PCDHA2: variants seen among roughly 807,000 people sequenced by gnomAD.
PCDHA2 encodes the protein protocadherin alpha-2.
In PCDHA2, 58 loss-of-function variants were observed where a neutral mutation model predicts 66.0. The ratio of observed to expected loss-of-function variants is 0.88; its 90% CI spans 0.71 to 1.09. PCDHA2 has a LOEUF of 1.09. Ranked by LOEUF, PCDHA2 falls within the 50% of genes least tolerant of loss-of-function variation. The pLI, the probability that PCDHA2 is intolerant of heterozygous loss-of-function variation, is 0.00. For missense variants in PCDHA2, 1,267 were observed against 1,242.3 expected (o/e 1.02, Z -0.30); for synonymous variants, 634 against 554.0 (o/e 1.14, Z -2.03).
At chr5:140,809,152 C>A (rs1554125030) in intron 1 of PCDHA2, 1 of 1,613,942 alleles carries the variant, frequency 6.2e-7, no homozygotes, top group East Asian at 2.2e-5. Context: ...AGGACCACGG[C>A]GAGCCCGCGC....
intron 1 of PCDHA2, among the ~76,000 whole-genome samples, chr5:140,899,512 G>C (rs4386771): frequency 0.046 from 7,065 of 152,150 alleles, 285 homozygotes; most frequent in African/African-American, 0.11. Flanking sequence ...TGCATATATT[G>C]CATCCCAGGG....
chr5:140,810,353 G>GT (rs1172814895), intron 1 of PCDHA2: 1 of 152,168 alleles, frequency 6.6e-6, no homozygotes, highest in Non-Finnish European at 1.5e-5. Context: ...TTGCCTAAGA[G>GT]TTGTGTTTGT....
chr5:140,822,854 A>G (rs2150119822), intron 1 of PCDHA2: 1 of 1,614,206 alleles, frequency 6.2e-7, no homozygotes, highest in Non-Finnish European at 8.5e-7. Context: ...CCTGTCAAAG[A>G]GGACGCTCCA....
At chr5:140,936,519 G>A (rs77875081) in intron 1 of PCDHA2, among the ~76,000 whole-genome samples, 2,263 of 152,276 alleles carry the variant, frequency 0.015, 25 homozygotes, top group Non-Finnish European at 0.022. Context: ...TAAATTACCT[G>A]AAATTGCTTT....
intron 1 of PCDHA2, among the ~76,000 whole-genome samples, chr5:140,890,624 T>C (rs1487627842): frequency 6.6e-6 from 1 of 152,202 alleles, no homozygotes; most frequent in Non-Finnish European, 1.5e-5. Context: ...CCTAGAAAAT[T>C]AAGCATGTAT....
Position 140,927,187 on chromosome 5 carries a change from C to G in PCDHA2, c.2389-51762C>G, listed in dbSNP as rs558671063. 141 of 1,614,164 alleles carry G rather than the reference C, an allele frequency of 8.7e-5. 1 individual carries two copies. The South Asian group carries it at 1.5e-3, about 17-fold the overall frequency. The stretch of plus-strand genomic sequence containing the variant: ...AGCTGCCTGCGTCTTGACCTACGAC[C>G]TGGTGCTCGAGGACCCGCTGGAGCT... On this transcript the variant is annotated intron_variant, in intron 1 of 3. Transcript: ENST00000526136.
At chr5:140,922,927 T>C (rs1257564815) in intron 1 of PCDHA2, among the ~76,000 whole-genome samples, 1 of 152,214 alleles carries the variant, frequency 6.6e-6, no homozygotes, top group Non-Finnish European at 1.5e-5. Flanking sequence ...TTCAGACTTT[T>C]ACTTCCAGCA....
At chr5:140,929,721 ATTTAC>A in intron 1 of PCDHA2, 2 of 222,496 alleles carry the variant, frequency 9.0e-6, no homozygotes, top group Non-Finnish European at 9.4e-6. Context: ...AAGGTGAAAC[ATTTAC>A]TTAAACTATT....
chr5:140,926,441 A>G (rs1476576189), intron 1 of PCDHA2: 1 of 154,800 alleles, frequency 6.5e-6, no homozygotes, highest in African/African-American at 2.4e-5. Context: ...AGATCTGGGC[A>G]GCCTCAGGGC....
intron 3 of PCDHA2, among the ~76,000 whole-genome samples, chr5:141,007,324 A>G (rs35241677): frequency 0.053 from 8,037 of 150,420 alleles, 253 homozygotes; most frequent in South Asian, 0.11. Context: ...GCTAAAGTGG[A>G]CAGATTGCCT....
intron 1 of PCDHA2, chr5:140,852,024 C>T (rs1554145640): frequency 4.2e-6 from 4 of 949,416 alleles, no homozygotes; most frequent in East Asian, 1.1e-4. Flanking sequence ...TTAAAAACTT[C>T]GCTTATTGAG....
rs1444177179 is a variant in PCDHA2 at position 140,984,821 on chromosome 5, T to C, written c.2536+2258T>C. On this transcript the variant is annotated intron_variant, in intron 3 of 3. Transcript: ENST00000526136. ...CTGCCTGAATTCATATTTTCTTAAT[T>C]ACCCTTTCTGTAAATTGGGTGTAGT... Among the ~76,000 whole-genome samples, 4 of 152,192 alleles carry C rather than the reference T, an allele frequency of 2.6e-5. No individual in the cohort carries two copies. In the East Asian group the frequency reaches 7.7e-4, roughly 29 times the overall value.
At chr5:140,837,724 T>G (rs1466080737) in intron 1 of PCDHA2, among the ~76,000 whole-genome samples, 2 of 151,672 alleles carry the variant, frequency 1.3e-5, no homozygotes, top group African/African-American at 2.4e-5. Flanking sequence ...CCCAGGCTGC[T>G]GAAATGCAGT....
At chr5:140,816,463 T>G (rs1765911201) in intron 1 of PCDHA2, 1 of 152,278 alleles carries the variant, frequency 6.6e-6, no homozygotes, top group Middle Eastern at 3.4e-3. Flanking sequence ...TGTCAAGTAA[T>G]TCACATAGCT....
chr5:140,802,012 G>T (rs1762829774), intron 1 of PCDHA2: 2 of 1,614,172 alleles, frequency 1.2e-6, no homozygotes, highest in African/African-American at 2.7e-5. Context: ...TTGGATGAAG[G>T]AGTAAATAAG....
intron 1 of PCDHA2, chr5:140,801,504 A>G: frequency 6.2e-7 from 1 of 1,614,170 alleles, no homozygotes; most frequent in Non-Finnish European, 8.5e-7. Flanking sequence ...CGCGGAGTGC[A>G]GCATCCACCT....
chr5:140,963,438 CT>C (rs2095766112), intron 1 of PCDHA2, among the ~76,000 whole-genome samples: 1 of 152,242 alleles, frequency 6.6e-6, no homozygotes, highest in Admixed American at 6.5e-5. Context: ...TAACTTCATA[CT>C]CTGTTGCTAA....
intron 1 of PCDHA2, among the ~76,000 whole-genome samples, chr5:140,910,047 A>G (rs1454501128): frequency 2.0e-5 from 3 of 152,208 alleles, no homozygotes; most frequent in African/African-American, 4.8e-5. Context: ...CTTGGTCATA[A>G]TAAGTGATCT....
intron 1 of PCDHA2, among the ~76,000 whole-genome samples, chr5:140,923,066 C>G (rs1050883797): frequency 6.6e-6 from 1 of 152,198 alleles, no homozygotes; most frequent in African/African-American, 2.4e-5. Flanking sequence ...AGAGCTAGGT[C>G]TCCTCATGTC....
Sources: allele counts gnomAD v4.1 joint callset (sites outside exome capture counted in the v4.1 genomes callset), GRCh38; gene constraint gnomAD v4.1.1; transcripts MANE v1.5; gene names NCBI Gene and HGNC (gene_info 2026-07-23, HGNC 2026-07-21).